COL26A1: variants seen among roughly 807,000 people sequenced by gnomAD.
The protein encoded by COL26A1 is collagen alpha-1(XXVI) chain.
Under a neutral mutation model 59.3 loss-of-function variants are expected in COL26A1, and 41 were observed. The ratio of observed to expected loss-of-function variants is 0.69; its 90% CI spans 0.54 to 0.90. The LOEUF (loss-of-function observed/expected upper bound fraction) is 0.90, where lower values mean the gene tolerates loss of function less well. COL26A1 is among the 40% of genes least tolerant of loss of function. The probability of loss-of-function intolerance (pLI) is 0.00; values close to 1 mark genes in which losing one functional copy is unlikely to be tolerated. For missense variants in COL26A1, 612 were observed against 602.3 expected, an observed-to-expected ratio of 1.02 and a Z score of -0.17; for synonymous variants, 266 against 256.0, an observed-to-expected ratio of 1.04 and a Z score of -0.37.
chr7:101,556,810 G>C (rs1197431558), intron 12 of COL26A1, among the ~76,000 whole-genome samples: 1 of 151,708 alleles, frequency 6.6e-6, no homozygotes, highest in Non-Finnish European at 1.5e-5. Flanking sequence ...GAATAAGTGA[G>C]TGAATGGATG....
At chr7:101,556,131 C>A (rs961569390) in intron 12 of COL26A1, among the ~76,000 whole-genome samples, 1 of 152,232 alleles carries the variant, frequency 6.6e-6, no homozygotes, top group Non-Finnish European at 1.5e-5. Flanking sequence ...GAGGCCCCTC[C>A]CACCTCCATG....
chr7:101,362,707 G>A (rs1400030774), upstream of COL26A1: 4 of 403,964 alleles, frequency 9.9e-6, no homozygotes, highest in East Asian at 1.1e-4. Context: ...GGCTTTCGGG[G>A]TGTTAGGCTC....
intron 11 of COL26A1, among the ~76,000 whole-genome samples, chr7:101,554,567 T>TAAAAA (rs57638079): frequency 0.012 from 1,436 of 120,312 alleles, 31 homozygotes; most frequent in African/African-American, 0.042. Context: ...CCCCATTTCT[T>TAAAAA]AAAAAAAAAA....
At position 101,367,908 on chromosome 7, in the gene COL26A1, C is replaced by T. The variant is rs557522257; in HGVS notation, c.158+4718C>T. ...GTTACGGCAACCTTGAGCTGACTAA[C>T]AGAAGGATGTGGCTTTATTCTGGAA... is the stretch of plus-strand genomic sequence containing the variant. On this transcript the variant is annotated intron_variant, in intron 1 of 12. Coordinates refer to ENST00000313669, the MANE Select transcript of COL26A1 (RefSeq NM_001278563.3). Among the ~76,000 whole-genome samples the T allele has an allele frequency of 3.3e-5, 5 of 152,312 alleles. No homozygotes were observed. In the East Asian group the frequency reaches 9.6e-4, roughly 29 times the overall value.
At chr7:101,527,064 A>G (rs767023932) in intron 3 of COL26A1, among the ~76,000 whole-genome samples, 2 of 152,084 alleles carry the variant, frequency 1.3e-5, no homozygotes, top group Non-Finnish European at 2.9e-5. Flanking sequence ...TCCACCTCCC[A>G]GGCTCAAGCA....
At chr7:101,400,930 C>G (rs73414922) in intron 1 of COL26A1, among the ~76,000 whole-genome samples, 2 of 152,070 alleles carry the variant, frequency 1.3e-5, no homozygotes, top group African/African-American at 2.4e-5. Flanking sequence ...TAAACCCGAA[C>G]GAGGGGTGGG....
At chr7:101,481,099 CA>C (rs1409457538) in intron 3 of COL26A1, among the ~76,000 whole-genome samples, 12 of 152,262 alleles carry the variant, frequency 7.9e-5, no homozygotes, top group Non-Finnish European at 1.5e-4. Context: ...TGGATGTTAT[CA>C]GGGGAGATTT....
At chr7:101,489,605 C>T (rs1244381739) in intron 3 of COL26A1, among the ~76,000 whole-genome samples, 7 of 28,112 alleles carry the variant, frequency 2.5e-4, no homozygotes, top group East Asian at 7.0e-4. Context: ...CTTTCTTTTT[C>T]TTTCTTTCTT....
chr7:101,462,408 C>G (rs566990260), intron 3 of COL26A1, among the ~76,000 whole-genome samples: 1 of 152,202 alleles, frequency 6.6e-6, no homozygotes, highest in African/African-American at 2.4e-5. Flanking sequence ...CCTCTGCCTC[C>G]TGGGTTCAAG....
At chr7:101,444,374 C>T (rs1448686276) in intron 2 of COL26A1, among the ~76,000 whole-genome samples, 3 of 151,042 alleles carry the variant, frequency 2.0e-5, no homozygotes, top group South Asian at 2.1e-4. Flanking sequence ...TTTTGCAGGT[C>T]CTGCTAATTT....
chr7:101,547,012 A>G, intron 7 of COL26A1, 144 bp from the exon 8 acceptor site: 1 of 578,498 alleles, frequency 1.7e-6, no homozygotes. Context: ...TGGGGGCAAC[A>G]GTATCTGCAG....
In COL26A1 at chr7:101,388,129, C is replaced by A. The variant is rs1251437489; in HGVS notation, c.158+24939C>A. On this transcript the variant is annotated intron_variant, in intron 1 of 12. Transcript: ENST00000313669. ...GTGGCATTAAAGACATTTACATTGT[C>A]ATGCAATCACCATCACCATCCATCT... is the stretch of plus-strand genomic sequence containing the variant. Among the ~76,000 whole-genome samples the A allele has an allele frequency of 2.6e-5, 4 of 151,474 alleles. No homozygotes were observed. In the South Asian group the frequency reaches 8.4e-4, roughly 32 times the overall value.
chr7:101,531,496 G>A (rs573448121), intron 3 of COL26A1, among the ~76,000 whole-genome samples: 8 of 152,202 alleles, frequency 5.3e-5, no homozygotes, highest in Non-Finnish European at 1.2e-4. Context: ...GTACTGACAA[G>A]GTTTTATGGA....
chr7:101,546,574 C>G (rs1795741054), intron 7 of COL26A1, among the ~76,000 whole-genome samples: 1 of 152,108 alleles, frequency 6.6e-6, no homozygotes, highest in Non-Finnish European at 1.5e-5. Flanking sequence ...CTGTGCCCAG[C>G]CTGGGGAAGG....
intron 2 of COL26A1, among the ~76,000 whole-genome samples, chr7:101,427,714 G>A (rs897868863): frequency 5.4e-5 from 8 of 149,026 alleles, no homozygotes; most frequent in South Asian, 4.3e-4. Context: ...CTTTGTTGCC[G>A]AGGCTGGTCT....
chr7:101,398,944 C>T (rs1435806227), intron 1 of COL26A1, among the ~76,000 whole-genome samples: 2 of 152,016 alleles, frequency 1.3e-5, no homozygotes, highest in South Asian at 2.1e-4. Flanking sequence ...GGAGTGAGCC[C>T]CTGGGTGGGC....
intron 1 of COL26A1, among the ~76,000 whole-genome samples, chr7:101,411,205 C>T (rs1233588819): frequency 1.3e-5 from 2 of 152,088 alleles, no homozygotes; most frequent in Non-Finnish European, 2.9e-5. Flanking sequence ...GGGTTGGGGT[C>T]GGAGCAACAG....
chr7:101,500,476 A>G (rs1794678854), intron 3 of COL26A1, among the ~76,000 whole-genome samples: 1 of 152,238 alleles, frequency 6.6e-6, no homozygotes, highest in African/African-American at 2.4e-5. Context: ...TACACTGGAC[A>G]GGAGGTGATG....
chr7:101,543,861 C>A, intron 5 of COL26A1, 137 bp from the exon 6 acceptor site: 1 of 587,680 alleles, frequency 1.7e-6, no homozygotes, highest in Non-Finnish European at 3.1e-6. Flanking sequence ...GATGTGAGTG[C>A]CTTTGCCTGT....
Sources: allele counts gnomAD v4.1 joint callset (sites outside exome capture counted in the v4.1 genomes callset), GRCh38; gene constraint gnomAD v4.1.1; transcripts MANE v1.5; gene names NCBI Gene and HGNC (gene_info 2026-07-23, HGNC 2026-07-21).